Variants in CLVS1 observed in about 807,000 individuals in gnomAD.
The protein encoded by CLVS1 is clavesin 1, also known as clavesin-1.
CLVS1 carries 10 observed loss-of-function variants against 33.1 expected under a neutral mutation model. That is an observed-to-expected ratio of 0.30 (90% confidence interval 0.19 to 0.51). The LOEUF (loss-of-function observed/expected upper bound fraction) is 0.51, where lower values mean the gene tolerates loss of function less well. Among genes scored for constraint, CLVS1 ranks in the 20% least tolerant of loss-of-function variants. CLVS1 has a pLI of 0.97. For missense variants in CLVS1, 343 were observed against 433.4 expected, an observed-to-expected ratio of 0.79 and a Z score of 1.85; for synonymous variants, 163 against 166.1, an observed-to-expected ratio of 0.98 and a Z score of 0.14.
intron 2 of CLVS1, among the ~76,000 whole-genome samples, chr8:61,161,038 C>T (rs1046259157): frequency 1.1e-4 from 17 of 151,980 alleles, no homozygotes; most frequent in African/African-American, 3.9e-4. Flanking sequence ...GGCATTTCTC[C>T]AAAGAAAATA....
At chr8:60,984,127 T>G in the CLVS1 span, among the ~76,000 whole-genome samples, 1 of 152,040 alleles carries the variant, frequency 6.6e-6, no homozygotes, top group Admixed American at 6.5e-5. Flanking sequence ...GAAAGGGTGG[T>G]GAGGATGACC....
chr8:61,365,483 C>T (rs1242635017), intron 2 of CLVS1, among the ~76,000 whole-genome samples: 1 of 151,308 alleles, frequency 6.6e-6, no homozygotes, highest in Non-Finnish European at 1.5e-5. Flanking sequence ...GTTGGGATTG[C>T]ACCACTGCAC....
At chr8:61,387,239 T>C (rs2129602378) in intron 3 of CLVS1, among the ~76,000 whole-genome samples, 1 of 152,028 alleles carries the variant, frequency 6.6e-6, no homozygotes, top group South Asian at 2.1e-4. Flanking sequence ...ATACAAAAAT[T>C]AGCCGGTCAT....
At chr8:61,265,915 CT>C in intron 2 of CLVS1, among the ~76,000 whole-genome samples, 1 of 152,328 alleles carries the variant, frequency 6.6e-6, no homozygotes, top group South Asian at 2.1e-4. Context: ...TCCAAGAGAT[CT>C]TCCTGTGTCT....
At chr8:61,025,484 T>C in the CLVS1 span, among the ~76,000 whole-genome samples, 9 of 152,190 alleles carry the variant, frequency 5.9e-5, no homozygotes, top group African/African-American at 2.2e-4. Context: ...GAAAATCCAA[T>C]TCTTAAAGGA....
At chr8:61,055,943 G>T (rs1260825683), upstream of CLVS1, among the ~76,000 whole-genome samples, 1 of 152,248 alleles carries the variant, frequency 6.6e-6, no homozygotes, top group Non-Finnish European at 1.5e-5. Context: ...TTAACATGTG[G>T]CTCCCAGCAC....
chr8:61,461,454 T>A (rs1460881222), intron 5 of CLVS1, among the ~76,000 whole-genome samples: 2 of 152,218 alleles, frequency 1.3e-5, no homozygotes, highest in Non-Finnish European at 2.9e-5. Flanking sequence ...AACTAGATTG[T>A]GTTCAGACAT....
intron 1 of CLVS1, among the ~76,000 whole-genome samples, chr8:61,116,895 C>T (rs928758119): frequency 2.1e-5 from 3 of 145,036 alleles, no homozygotes; most frequent in African/African-American, 7.8e-5. Context: ...TAGTTTTTTC[C>T]AATTCTGTGA....
At chr8:61,333,630 A>G (rs983882064) in intron 2 of CLVS1, among the ~76,000 whole-genome samples, 1 of 152,196 alleles carries the variant, frequency 6.6e-6, no homozygotes, top group Admixed American at 6.5e-5. Context: ...GAGGACAGGA[A>G]ATGTCGCAAT....
At chr8:61,107,442 C>T (rs141632881) in intron 1 of CLVS1, among the ~76,000 whole-genome samples, 2 of 152,330 alleles carry the variant, frequency 1.3e-5, no homozygotes, top group African/African-American at 4.8e-5. Flanking sequence ...TTATAGATGG[C>T]ATCTTCTAGC....
At chr8:61,186,149 G>A (rs1012983465) in intron 2 of CLVS1, among the ~76,000 whole-genome samples, 4 of 152,174 alleles carry the variant, frequency 2.6e-5, no homozygotes, top group African/African-American at 7.2e-5. Flanking sequence ...GTGGGGAAAA[G>A]GGTCACAGAG....
intron 3 of CLVS1, among the ~76,000 whole-genome samples, chr8:61,432,191 T>C (rs1816140470): frequency 6.6e-6 from 1 of 152,172 alleles, no homozygotes; most frequent in African/African-American, 2.4e-5. Context: ...GAGATCTCTT[T>C]CAAATGATTT....
At chr8:61,233,159 C>T (rs1808481349) in intron 2 of CLVS1, among the ~76,000 whole-genome samples, 2 of 152,132 alleles carry the variant, frequency 1.3e-5, no homozygotes, top group South Asian at 2.1e-4. Flanking sequence ...TTGTACCCAT[C>T]CTTCTCCCTC....
At chr8:60,983,202 A>C in the CLVS1 span, among the ~76,000 whole-genome samples, 1 of 152,284 alleles carries the variant, frequency 6.6e-6, no homozygotes, top group Non-Finnish European at 1.5e-5. Flanking sequence ...TCTGAGACTA[A>C]TTTTGTCACA....
chr8:61,276,520 T>G (rs1425814477), intron 2 of CLVS1, among the ~76,000 whole-genome samples: 2 of 152,190 alleles, frequency 1.3e-5, no homozygotes, highest in African/African-American at 4.8e-5. Flanking sequence ...TAGACTCAGT[T>G]TTTAAACCTC....
the CLVS1 span, among the ~76,000 whole-genome samples, chr8:60,997,032 A>T: frequency 6.6e-6 from 1 of 152,218 alleles, no homozygotes. Flanking sequence ...AATTAAAAAA[A>T]AAAGATCTGA....
At chr8:61,238,763 A>G (rs1808625713) in intron 2 of CLVS1, among the ~76,000 whole-genome samples, 1 of 152,260 alleles carries the variant, frequency 6.6e-6, no homozygotes, top group Non-Finnish European at 1.5e-5. Flanking sequence ...AGAAGATTCC[A>G]TCAAATGAAG....
Position 61,197,713 on chromosome 8 carries a change from T to C in CLVS1, c.-152+65853T>C, listed in dbSNP as rs1041475314. Among the ~76,000 whole-genome samples, 3 of 152,198 alleles carry C rather than the reference T, an allele frequency of 2.0e-5. No individual in the cohort carries two copies. The South Asian group carries it at 6.2e-4, about 31-fold the overall frequency. On this transcript the variant is annotated intron_variant, in intron 2 of 2. Coordinates refer to the CLVS1 transcript ENST00000522621. The stretch of plus-strand genomic sequence containing the variant: ...TTTTGTATTTTTAGCAGAGATGGGA[T>C]TTGGCCATGTTGGCCAGGCTGGTCT...
intron 3 of CLVS1, among the ~76,000 whole-genome samples, chr8:61,389,771 G>A (rs1248419493): frequency 3.9e-5 from 6 of 152,112 alleles, no homozygotes; most frequent in Admixed American, 2.0e-4. Flanking sequence ...AAGCCAGCAC[G>A]GAAGTGCATA....
Sources: allele counts gnomAD v4.1 joint callset (sites outside exome capture counted in the v4.1 genomes callset), GRCh38; gene constraint gnomAD v4.1.1; transcripts MANE v1.5; gene names NCBI Gene and HGNC (gene_info 2026-07-23, HGNC 2026-07-21).